CEP164: variants seen among roughly 807,000 people sequenced by gnomAD.
CEP164 encodes the protein centrosomal protein 164, also known as centrosomal protein of 164 kDa.
CEP164 carries 162 observed loss-of-function variants against 182.7 expected under a neutral mutation model. The observed-to-expected ratio is 0.89, with a 90% CI of 0.78 to 1.01. The LOEUF is 1.01. Among genes scored for constraint, CEP164 ranks in the 50% least tolerant of loss-of-function variants. The probability of loss-of-function intolerance (pLI) is 0.00; values close to 1 mark genes in which losing one functional copy is unlikely to be tolerated. For synonymous variants in CEP164, 661 were observed against 690.0 expected (o/e 0.96, Z 0.66); for missense variants, 1,735 against 1,790.4 (o/e 0.97, Z 0.56).
At chr11:117,372,108 ATT>A (rs33975593) in intron 9 of CEP164, among the ~76,000 whole-genome samples, 8 of 133,252 alleles carry the variant, frequency 6.0e-5, no homozygotes, top group Admixed American at 1.5e-4. Context: ...AGTTCAGGGT[ATT>A]TTTTTTTTTT....
chr11:117,410,939 G>C, intron 31 of CEP164, 45 bp downstream of exon 31: 1 of 1,563,392 alleles, frequency 6.4e-7, no homozygotes, highest in Non-Finnish European at 8.8e-7. Context: ...TCATAGTCGA[G>C]CTGCTCACTG....
chr11:117,341,887 A>G (rs893320087), intron 3 of CEP164, among the ~76,000 whole-genome samples: 2 of 151,960 alleles, frequency 1.3e-5, no homozygotes, highest in African/African-American at 2.4e-5. Context: ...AACTGTCAAC[A>G]TTGCTGAGAG....
At chr11:117,406,766 G>A (rs2046724863) in intron 27 of CEP164, among the ~76,000 whole-genome samples, 1 of 152,130 alleles carries the variant, frequency 6.6e-6, no homozygotes, top group African/African-American at 2.4e-5. Flanking sequence ...GTCCTGGCAG[G>A]GTGAGCTCTC....
chr11:117,392,689 T>C (rs1565580725), intron 19 of CEP164, 62 bp downstream of exon 19: 3 of 1,579,890 alleles, frequency 1.9e-6, no homozygotes, highest in East Asian at 4.5e-5. Context: ...TACAGTCAGC[T>C]GAGCCGGCCT....
chr11:117,332,259 T>G (rs1565398530), intron 1 of CEP164, among the ~76,000 whole-genome samples: 1 of 151,756 alleles, frequency 6.6e-6, no homozygotes, highest in Non-Finnish European at 1.5e-5. Flanking sequence ...ACAGGAGAGG[T>G]AAGAAGACAC....
intron 9 of CEP164, among the ~76,000 whole-genome samples, chr11:117,373,349 G>A (rs1315921711): frequency 2.0e-5 from 3 of 151,420 alleles, no homozygotes; most frequent in South Asian, 4.2e-4. Context: ...GGGACAGAGC[G>A]AGACTCCATC....
chr11:117,389,072 A>G (rs2044293493), intron 15 of CEP164, among the ~76,000 whole-genome samples: 1 of 152,052 alleles, frequency 6.6e-6, no homozygotes, highest in African/African-American at 2.4e-5. Context: ...GCCCGGCCAA[A>G]TTTTCTCTCT....
intron 11 of CEP164, among the ~76,000 whole-genome samples, chr11:117,377,244 C>T (rs1322642687): frequency 1.3e-5 from 2 of 152,156 alleles, no homozygotes; most frequent in African/African-American, 4.8e-5. Context: ...CAACCTAGAT[C>T]CCTTGCATGC....
At chr11:117,404,833 CT>C (rs1278374150) in intron 27 of CEP164, among the ~76,000 whole-genome samples, 1 of 152,236 alleles carries the variant, frequency 6.6e-6, no homozygotes, top group Non-Finnish European at 1.5e-5. Flanking sequence ...TGCTGCCTTT[CT>C]TTCAGAGATG....
Position 117,387,378 on chromosome 11 carries a change from C to A in CEP164, c.1900C>A (p.Leu634Ile). ...GTGCCAAGAGGAGGAAGAGGAGATC[C>A]TCCGGCTTCACCAGCAGAAAGAGCA... is the stretch of plus-strand genomic sequence containing the variant. ...KLCQEEEEEILRLHQQKEQSL... is the reference protein window; with the variant it reads ...KLCQEEEEEIIRLHQQKEQSL... Residue 634 changes from leucine (L) to isoleucine (I), a missense_variant, in exon 15 of 33, where the codon CTC becomes ATC. Transcript: ENST00000278935. 6.2e-7 allele frequency: 1 copy of A among 1,614,150 alleles called. No individual in the cohort carries two copies. Among genetic ancestry groups the A allele is most frequent in the African/African-American group, 1.3e-5 (1 of 75,054 alleles).
chr11:117,403,050 G>A (rs1405402192), intron 27 of CEP164, among the ~76,000 whole-genome samples: 1 of 152,120 alleles, frequency 6.6e-6, no homozygotes, highest in East Asian at 1.9e-4. Flanking sequence ...TTTATTTTGA[G>A]CCTATGTGTG....
Position 117,387,196 on chromosome 11 carries a change from A to G in CEP164, c.1725-7A>G, listed in dbSNP as rs2044068657. Reference sequence around the variant, plus strand: ...TGTGATGATATGCCATTCCCCACCCATGGTAGGCGATCCACAGAGCCTGTG... The same window carrying G: ...TGTGATGATATGCCATTCCCCACCCGTGGTAGGCGATCCACAGAGCCTGTG... On this transcript the variant is annotated splice_region_variant and splice_polypyrimidine_tract_variant and intron_variant, in intron 14 of 32. Transcript: ENST00000278935. The G allele has an allele frequency of 6.2e-7, 1 of 1,613,830 alleles. No individual in the cohort carries two copies. The highest frequency in any genetic ancestry group is 8.5e-7 in the Non-Finnish European group (1 of 1,179,794).
intron 27 of CEP164, among the ~76,000 whole-genome samples, chr11:117,407,407 T>C (rs2136852345): frequency 8.0e-6 from 1 of 124,480 alleles, no homozygotes; most frequent in Non-Finnish European, 1.6e-5. Context: ...GGCTGGAGGA[T>C]CACTTGATTT....
chr11:117,373,576 A>G (rs946849618), intron 9 of CEP164, among the ~76,000 whole-genome samples, 175 bp from the exon 10 acceptor site: 10 of 152,182 alleles, frequency 6.6e-5, no homozygotes, highest in Non-Finnish European at 1.3e-4. Context: ...GGCTGTGCAC[A>G]TGTCCAGAGA....
At position 117,409,703 on chromosome 11, in the gene CEP164, C is replaced by T. The variant is rs765501293; in HGVS notation, c.3834C>T (p.Val1278=). ...AGATCAGCAGCCAGCTGAGCAGTGTCCTCAGCATCCTGGACAGCCTCAACC... is the reference window on the plus strand; with the variant it reads ...AGATCAGCAGCCAGCTGAGCAGTGTTCTCAGCATCCTGGACAGCCTCAACC... The part of the protein sequence containing the change: ...LRQISSQLSS[V]LSILDSLNPQ... Residue 1278 remains valine (V), a synonymous_variant, in exon 30 of 33, where the codon GTC becomes GTT. Transcript: ENST00000278935. The surrounding 1 kb of genome is among the most constrained non-coding windows in gnomAD (Gnocchi z 4.4). 3 of 1,614,192 alleles carry T rather than the reference C, an allele frequency of 1.9e-6. No individual in the cohort carries two copies. In the South Asian group the frequency reaches 3.3e-5, roughly 18 times the overall value.
chr11:117,411,790 C>G lies in CEP164; in HGVS notation c.4164-5C>G. 1 of 1,614,090 alleles carries G rather than the reference C, an allele frequency of 6.2e-7. No homozygotes were observed. Among genetic ancestry groups the G allele is most frequent in the Non-Finnish European group, 8.5e-7 (1 of 1,179,978 alleles). On this transcript the variant is annotated splice_region_variant and splice_polypyrimidine_tract_variant and intron_variant, in intron 31 of 32. Coordinates refer to ENST00000278935, the MANE Select transcript of CEP164 (RefSeq NM_014956.5). The surrounding 1 kb of genome is among the most constrained non-coding windows in gnomAD (Gnocchi z 4.4). The stretch of plus-strand genomic sequence containing the variant: ...CCCTCGCCATGCTCTCCTCTTCCTT[C>G]CCAGTGAGCAGCTCCGGCTCCTACA...
At chr11:117,336,206 C>G in intron 2 of CEP164, 3 of 1,591,052 alleles carry the variant, frequency 1.9e-6, no homozygotes, top group Non-Finnish European at 2.6e-6. Context: ...TGTATTCAGT[C>G]AGAATCGCTG....
At chr11:117,333,979 T>C (rs1331659915) in intron 1 of CEP164, among the ~76,000 whole-genome samples, 1 of 152,224 alleles carries the variant, frequency 6.6e-6, no homozygotes, top group Non-Finnish European at 1.5e-5. Context: ...CACGCTTTCC[T>C]TTTTTTCTTT....
Position 117,396,537 on chromosome 11 carries a change from C to T in CEP164, c.3217-13C>T. 6.2e-7 allele frequency: 1 copy of T among 1,611,962 alleles called. No homozygotes were observed. Among genetic ancestry groups the T allele is most frequent in the Non-Finnish European group, 8.5e-7 (1 of 1,178,032 alleles). On this transcript the variant is annotated splice_polypyrimidine_tract_variant and intron_variant, in intron 25 of 32. Coordinates refer to ENST00000278935, the MANE Select transcript of CEP164 (RefSeq NM_014956.5). ...TGCTACACTCAGTGGACTTTTCTAC[C>T]ATGTGTCCCTAGAACCAGACCAAAG...
Sources: gnomAD v4.1 joint callset for allele counts (sites outside exome capture counted in the v4.1 genomes callset) on GRCh38, gnomAD v4.1.1 for gene constraint, Gnocchi (gnomAD v3.1) non-coding constraint, MANE v1.5 for transcripts, NCBI Gene and HGNC (gene_info 2026-07-23, HGNC 2026-07-21) for gene names.